The following COPG2 variants were observed in gnomAD, a reference collection of about 807,000 sequenced individuals.
COPG2 encodes coat protein complex I subunit gamma 2.
Under a neutral mutation model 46.3 loss-of-function variants are expected in COPG2, and 37 were observed. That is an observed-to-expected ratio of 0.80 (90% CI 0.61 to 1.05). COPG2 has a LOEUF of 1.05. Among genes scored for constraint, COPG2 ranks in the 50% least tolerant of loss-of-function variants. The pLI is 0.00. For synonymous variants in COPG2, 159 were observed against 129.7 expected (o/e 1.23, Z -1.53); for missense variants, 427 against 387.8 (o/e 1.10, Z -0.85).
intron 9 of COPG2, among the ~76,000 whole-genome samples, chr7:130,599,471 C>T (rs781973166): frequency 3.3e-5 from 5 of 152,156 alleles, no homozygotes; most frequent in Non-Finnish European, 7.3e-5. Flanking sequence ...GAGACATCGC[C>T]ACCTTTTCCT....
At chr7:130,631,257 C>T (rs190491180) in intron 5 of COPG2, among the ~76,000 whole-genome samples, 13 of 150,908 alleles carry the variant, frequency 8.6e-5, no homozygotes, top group Admixed American at 2.6e-4. Context: ...CTGCAACCTC[C>T]GCCTCCCAGG....
At chr7:130,623,986 A>G (rs782510619) in intron 5 of COPG2, among the ~76,000 whole-genome samples, 1 of 152,202 alleles carries the variant, frequency 6.6e-6, no homozygotes, top group African/African-American at 2.4e-5. Flanking sequence ...TTTATTTTTC[A>G]TAATTCTGGA....
intron 5 of COPG2, among the ~76,000 whole-genome samples, chr7:130,625,032 A>C (rs1410954063): frequency 6.6e-6 from 1 of 152,212 alleles, no homozygotes; most frequent in African/African-American, 2.4e-5. Context: ...TCCCATCAGC[A>C]GTGTAATAAT....
chr7:130,540,937 T>G (rs951967260), intron 20 of COPG2, among the ~76,000 whole-genome samples: 73 of 152,092 alleles, frequency 4.8e-4, no homozygotes, highest in African/African-American at 1.5e-3. Context: ...AAAAGGAACA[T>G]AGACAATAGC....
rs1345356019 is a variant in COPG2 at position 130,547,732 on chromosome 7, A to G, written c.2091T>C (p.Tyr697=). The G allele has an allele frequency of 5.0e-6, 2 of 398,690 alleles. No homozygotes were observed. The highest frequency in any genetic ancestry group is 3.6e-5 in the East Asian group (1 of 28,082). The allele number at this position is 398,690 out of a possible 1,614,324, so 24.7% of individuals were successfully genotyped here. A position where few individuals can be genotyped will look rare whatever the true frequency, so the allele number is the denominator to read the frequency against. Residue 697 remains tyrosine, a synonymous_variant, in exon 20 of 24, where the codon TAT becomes TAC. Transcript: ENST00000425248. The stretch of plus-strand genomic sequence containing the variant: ...GAGTGTAACATATTCCTGGTTGGTT[A>G]TAAGGAAGGCTGGGGGCTGGGATAC... ...LSCIPAPSLP[Y]NQPGICYTLV...
Position 130,523,251 on chromosome 7 carries a change from C to G in COPG2, c.2150-14592G>C, listed in dbSNP as rs974249029. On this transcript the variant is annotated intron_variant, in intron 20 of 23. Coordinates refer to ENST00000425248, the MANE Select transcript of COPG2 (RefSeq NM_012133.6). The stretch of plus-strand genomic sequence containing the variant: ...TCTGAGGTGGGGGGTGGGTTTCACC[C>G]GAGGGAGGGCTGGGGGCATGGACCC... Among the ~76,000 whole-genome samples the G allele has an allele frequency of 1.5e-4, 22 of 150,478 alleles. No individual in the cohort carries two copies. The South Asian group carries it at 1.5e-3, about 10-fold the overall frequency.
intron 20 of COPG2, chr7:130,510,156 A>C (rs782044921): frequency 1.9e-6 from 1 of 520,200 alleles, no homozygotes; most frequent in Non-Finnish European, 3.8e-6. Context: ...AATTTAAGCC[A>C]CTGGTGGGGA....
At chr7:130,574,142 C>A (rs1793963629) in intron 9 of COPG2, among the ~76,000 whole-genome samples, 1 of 152,142 alleles carries the variant, frequency 6.6e-6, no homozygotes, top group Non-Finnish European at 1.5e-5. Context: ...AATTAATGAA[C>A]AAGTAAACAA....
At chr7:130,539,702 C>A (rs1425222783) in intron 20 of COPG2, among the ~76,000 whole-genome samples, 1 of 152,082 alleles carries the variant, frequency 6.6e-6, no homozygotes, top group Non-Finnish European at 1.5e-5. Flanking sequence ...TGAGGCAGCG[C>A]CAACAGGGGA....
intron 20 of COPG2, among the ~76,000 whole-genome samples, chr7:130,546,148 T>C (rs1405339772): frequency 6.6e-6 from 1 of 151,860 alleles, no homozygotes. Flanking sequence ...TGGTGAGAGG[T>C]AGAATAGCAG....
chr7:130,668,571 C>G, intron 1 of COPG2, 61 bp downstream of exon 1: 1 of 1,441,622 alleles, frequency 6.9e-7, no homozygotes, highest in Non-Finnish European at 9.3e-7. Context: ...AAGCAGGTGG[C>G]GGCGGGCGGG....
chr7:130,602,513 C>A (rs1012407207), intron 9 of COPG2, among the ~76,000 whole-genome samples: 1 of 152,036 alleles, frequency 6.6e-6, no homozygotes, highest in African/African-American at 2.4e-5. Flanking sequence ...CACTCTGTTG[C>A]CCAGGTTGGA....
At position 130,559,060 on chromosome 7, in the gene COPG2, T is replaced by TA. The variant is rs1164801558; in HGVS notation, c.1128+1972dup. ...TAAAAGGTTGGCAAATATGACTACC[T>TA]AAAAAAAATAACACTTTTGCATGTC... On this transcript the variant is annotated intron_variant, in intron 12 of 23. Coordinates refer to ENST00000425248, the MANE Select transcript of COPG2 (RefSeq NM_012133.6). Among the ~76,000 whole-genome samples the TA allele has an allele frequency of 5.3e-5, 8 of 151,804 alleles. No homozygotes were observed. In the South Asian group the frequency reaches 8.3e-4, roughly 16 times the overall value.
chr7:130,522,750 G>A (rs1370948319), intron 20 of COPG2, among the ~76,000 whole-genome samples: 1 of 151,970 alleles, frequency 6.6e-6, no homozygotes, highest in African/African-American at 2.4e-5. Context: ...TAAGTAAGAA[G>A]TATAAAAAGC....
chr7:130,584,255 C>T (rs1217234556), intron 9 of COPG2, among the ~76,000 whole-genome samples: 3 of 151,926 alleles, frequency 2.0e-5, no homozygotes, highest in Non-Finnish European at 4.4e-5. Context: ...TGACAAAATC[C>T]AGCATCCCTT....
intron 20 of COPG2, among the ~76,000 whole-genome samples, chr7:130,521,269 C>T (rs1799721064): frequency 6.6e-6 from 1 of 152,180 alleles, no homozygotes; most frequent in Admixed American, 6.5e-5. Context: ...CAGGAAAGTA[C>T]ATTTGCATTA....
intron 5 of COPG2, among the ~76,000 whole-genome samples, chr7:130,641,175 C>CAAAAAAAAAAAA (rs34617870): frequency 2.3e-5 from 2 of 87,946 alleles, no homozygotes; most frequent in African/African-American, 5.5e-5. Context: ...CCCTACCTCT[C>CAAAAAAAAAAAA]AAAAAAAAAA....
At chr7:130,660,943 C>CT (rs1795965138) in intron 4 of COPG2, among the ~76,000 whole-genome samples, 1 of 152,202 alleles carries the variant, frequency 6.6e-6, no homozygotes, top group Non-Finnish European at 1.5e-5. Flanking sequence ...AACCACTCAA[C>CT]TTTTTTGCTT....
chr7:130,586,038 T>C (rs782308219), intron 9 of COPG2, among the ~76,000 whole-genome samples: 3 of 152,048 alleles, frequency 2.0e-5, no homozygotes, highest in Non-Finnish European at 2.9e-5. Flanking sequence ...GCAGTACAAT[T>C]TGCAACTGCA....
Sources: allele counts gnomAD v4.1 joint callset (sites outside exome capture counted in the v4.1 genomes callset), GRCh38; gene constraint gnomAD v4.1.1; transcripts MANE v1.5; gene names NCBI Gene and HGNC (gene_info 2026-07-23, HGNC 2026-07-21).